Variants in CR1 observed in about 807,000 individuals in gnomAD.
CR1 encodes complement receptor type 1.
CR1 carries 116 observed loss-of-function variants against 187.3 expected under a neutral mutation model. That is an observed-to-expected ratio of 0.62 (90% CI 0.53 to 0.72). CR1 has a LOEUF of 0.72. Among genes scored for constraint, CR1 ranks in the 30% least tolerant of loss-of-function variants. CR1 has a pLI of 0.00. For synonymous variants in CR1, 576 were observed against 747.1 expected (o/e 0.77, Z 3.73); for missense variants, 1,731 against 2,110.7 (o/e 0.82, Z 3.52).
chr1:207,619,814 T>C, intron 42 of CR1, 66 bp from the exon 43 acceptor site: 1 of 1,433,828 alleles, frequency 7.0e-7, no homozygotes, highest in South Asian at 1.3e-5. Context: ...TTTTCTCCTA[T>C]TCTCGCAGTT....
At chr1:207,622,100 T>G in intron 44 of CR1, 104 bp downstream of exon 44, 1 of 845,388 alleles carries the variant, frequency 1.2e-6, no homozygotes. Flanking sequence ...TGTCTTGAGG[T>G]GTAAAGAGAT....
intron 4 of CR1, among the ~76,000 whole-genome samples, chr1:207,517,788 T>C (rs1659849927): frequency 6.6e-6 from 1 of 152,178 alleles, no homozygotes; most frequent in African/African-American, 2.4e-5. Context: ...ATAATGCTGT[T>C]TATTATAGTC....
intron 1 of CR1, among the ~76,000 whole-genome samples, chr1:207,505,142 A>G (rs1437138070): frequency 6.6e-6 from 1 of 152,178 alleles, no homozygotes; most frequent in Non-Finnish European, 1.5e-5. Flanking sequence ...TTGTAAAGGA[A>G]TAAGTCCCTT....
intron 35 of CR1, among the ~76,000 whole-genome samples, chr1:207,603,194 T>C (rs1455297336): frequency 1.3e-5 from 2 of 152,116 alleles, no homozygotes; most frequent in Non-Finnish European, 2.9e-5. Context: ...TGATACCAGA[T>C]CAGAGGTGGG....
intron 3 of CR1, 52 bp from the exon 4 acceptor site, chr1:207,511,517 G>A (rs942683506): frequency 6.5e-7 from 1 of 1,547,096 alleles, no homozygotes; most frequent in Non-Finnish European, 8.9e-7. Flanking sequence ...AATTTAATTG[G>A]GTAGTTGACC....
intron 35 of CR1, among the ~76,000 whole-genome samples, chr1:207,589,066 A>G (rs1358102444): frequency 1.3e-5 from 2 of 152,232 alleles, no homozygotes; most frequent in Non-Finnish European, 2.9e-5. Flanking sequence ...CAGCTTACAA[A>G]TAAGGAAAAG....
chr1:207,565,705 G>T (rs1660472289), intron 23 of CR1, 133 bp from the exon 24 acceptor site: 2 of 1,172,686 alleles, frequency 1.7e-6, no homozygotes, highest in African/African-American at 1.6e-5. Flanking sequence ...CCAGAATAAG[G>T]TAGCCTGTGC....
intron 28 of CR1, among the ~76,000 whole-genome samples, chr1:207,576,752 C>T (rs12088854): frequency 9.9e-5 from 15 of 151,874 alleles, no homozygotes; most frequent in East Asian, 1.9e-4. Flanking sequence ...CCAGAGAGGT[C>T]GAGGCTGCAA....
intron 19 of CR1, among the ~76,000 whole-genome samples, chr1:207,553,894 GGAA>G (rs1181692453): frequency 1.3e-5 from 2 of 149,806 alleles, no homozygotes; most frequent in African/African-American, 5.0e-5. Flanking sequence ...TTGCTGATAT[GGAA>G]GAAGTTTTAG....
intron 27 of CR1, among the ~76,000 whole-genome samples, chr1:207,574,330 T>C (rs189547148): frequency 1.3e-5 from 2 of 152,328 alleles, no homozygotes; most frequent in African/African-American, 4.8e-5. Context: ...AATAAGTTTA[T>C]TGACACCACA....
chr1:207,523,454 C>A (rs1660059990), intron 4 of CR1, among the ~76,000 whole-genome samples, 157 bp from the exon 5 acceptor site: 2 of 152,202 alleles, frequency 1.3e-5, no homozygotes, highest in African/African-American at 4.8e-5. Context: ...CATATTATGC[C>A]CATTGAAGCT....
chr1:207,637,368 C>T (rs150758032), intron 46 of CR1, among the ~76,000 whole-genome samples: 9,552 of 152,098 alleles, frequency 0.063, 580 homozygotes, highest in East Asian at 0.34. Flanking sequence ...GTAATATCAC[C>T]GCACTATTGG....
chr1:207,506,982 G>T (rs1659459245), intron 3 of CR1, 169 bp downstream of exon 3: 1 of 570,858 alleles, frequency 1.8e-6, no homozygotes, highest in Non-Finnish European at 3.1e-6. Flanking sequence ...GGTATGACAA[G>T]ATCGGGGGAA....
At chr1:207,511,435 G>A in intron 3 of CR1, 134 bp from the exon 4 acceptor site, 1 of 722,390 alleles carries the variant, frequency 1.4e-6, no homozygotes, top group Non-Finnish European at 2.1e-6. Context: ...ACTTGGGAAA[G>A]TGATAGATAG....
intron 35 of CR1, among the ~76,000 whole-genome samples, chr1:207,605,430 A>G (rs1027464827): frequency 6.6e-6 from 1 of 152,092 alleles, no homozygotes; most frequent in African/African-American, 2.4e-5. Flanking sequence ...TTTGCAACAG[A>G]AACATATATC....
chr1:207,595,208 A>C (rs1164281860), intron 35 of CR1, among the ~76,000 whole-genome samples: 1 of 151,874 alleles, frequency 6.6e-6, no homozygotes. Context: ...TTCATCAAGG[A>C]CCAGACTTGA....
At chr1:207,581,463 T>C (rs928681726) in intron 31 of CR1, among the ~76,000 whole-genome samples, 1 of 148,538 alleles carries the variant, frequency 6.7e-6, no homozygotes, top group Non-Finnish European at 1.5e-5. Context: ...ACATGGAACA[T>C]TAGATGTATG....
intron 35 of CR1, among the ~76,000 whole-genome samples, chr1:207,606,273 C>T (rs1661747060): frequency 6.6e-6 from 1 of 152,194 alleles, no homozygotes; most frequent in African/African-American, 2.4e-5. Flanking sequence ...CACTTACATC[C>T]TCTGGCCAGA....
At chr1:207,522,391 A>G (rs1384496369) in intron 4 of CR1, among the ~76,000 whole-genome samples, 1 of 152,236 alleles carries the variant, frequency 6.6e-6, no homozygotes, top group Admixed American at 6.5e-5. Context: ...ACACATCAGA[A>G]GGTATTACCA....
Sources: gnomAD v4.1 joint callset for allele counts (sites outside exome capture counted in the v4.1 genomes callset) on GRCh38, gnomAD v4.1.1 for gene constraint, MANE v1.5 for transcripts, NCBI Gene and HGNC (gene_info 2026-07-23, HGNC 2026-07-21) for gene names.